ACBD4: variants seen among roughly 807,000 people sequenced by gnomAD.
The protein encoded by ACBD4 is acyl-CoA binding domain containing 4.
In ACBD4, 41 loss-of-function variants were observed where a neutral mutation model predicts 46.0. That is an observed-to-expected ratio of 0.89 (90% CI 0.69 to 1.16). The LOEUF (loss-of-function observed/expected upper bound fraction) is 1.16, where lower values mean the gene tolerates loss of function less well. ACBD4 is among the 50% of genes most tolerant of loss of function. The probability of loss-of-function intolerance (pLI) is 0.00; values close to 1 mark genes in which losing one functional copy is unlikely to be tolerated. For synonymous variants in ACBD4, 162 were observed against 155.9 expected (o/e 1.04, Z -0.29); for missense variants, 393 against 399.5 (o/e 0.98, Z 0.14).
chr17:45,141,035 A>G (rs1026343820), intron 9 of ACBD4, among the ~76,000 whole-genome samples: 6 of 152,228 alleles, frequency 3.9e-5, no homozygotes, highest in Admixed American at 6.5e-5. Context: ...ACAAAAAACC[A>G]TATCTCTCAA....
upstream of ACBD4, among the ~76,000 whole-genome samples, chr17:45,133,785 C>G (rs889042384): frequency 2.6e-5 from 4 of 152,044 alleles, no homozygotes; most frequent in Non-Finnish European, 4.4e-5. Context: ...CCCGCCTCGG[C>G]CTCCCAAAGT....
chr17:45,143,781 C>A lies in ACBD4; in HGVS notation c.*210C>A. The A allele has an allele frequency of 1.2e-6, 1 of 802,342 alleles. No individual in the cohort carries two copies. Among genetic ancestry groups the A allele is most frequent in the Admixed American group, 2.7e-5 (1 of 36,424 alleles). The allele number at this position is 802,342 out of a possible 1,614,324, so 49.7% of individuals were successfully genotyped here. On this transcript the variant is annotated 3_prime_UTR_variant, in exon 10 of 10. Transcript: ENST00000321854. The stretch of plus-strand genomic sequence containing the variant: ...CTTCCTTCCCTCCCCGCAACCACCC[C>A]AGGCTCCCCTGGGAGGCTGCAGTTG...
rs2054788656 is a variant in ACBD4 at position 45,135,848 on chromosome 17, A to T, written c.-143A>T. The T allele has an allele frequency of 2.8e-6, 1 of 356,302 alleles. No individual in the cohort carries two copies. Among genetic ancestry groups the T allele is most frequent in the Admixed American group, 4.1e-5 (1 of 24,258 alleles). 22.1% of individuals were successfully genotyped at this position (356,302 alleles called of 1,614,324 possible). On this transcript the variant is annotated 5_prime_UTR_variant, in exon 1 of 10. The change abolishes an upstream ATG in the 5' untranslated region. Transcript: ENST00000321854. ...TTCTCCACCTGTTCGGGAGTTGGAG[A>T]TGTGCACCTAAAGGAGGCGCATCTG...
intron 1 of ACBD4, 43 bp downstream of exon 1, chr17:45,135,996 G>A: frequency 1.4e-6 from 1 of 710,966 alleles, no homozygotes; most frequent in Non-Finnish European, 2.3e-6. Flanking sequence ...TGACCTCCCA[G>A]GGTGTCTGAG....
upstream of ACBD4, chr17:45,132,525 G>C (rs990761938): frequency 1.1e-5 from 5 of 441,878 alleles, no homozygotes; most frequent in Non-Finnish European, 1.7e-5. This position sits in a 1 kb window ranked among gnomAD's most constrained non-coding sequence, Gnocchi z 4.6. Context: ...GAAACTTAGC[G>C]GCGCGGGAGG....
intron 9 of ACBD4, among the ~76,000 whole-genome samples, chr17:45,139,448 G>T (rs16939884): frequency 0.05 from 7,619 of 152,232 alleles, 258 homozygotes; most frequent in Middle Eastern, 0.078. Flanking sequence ...GGGCCATGAT[G>T]TGTCTGCTCT....
intron 9 of ACBD4, among the ~76,000 whole-genome samples, chr17:45,141,232 T>A (rs2055251189): frequency 6.6e-6 from 1 of 152,202 alleles, no homozygotes; most frequent in Non-Finnish European, 1.5e-5. Context: ...TCTCTTTTAA[T>A]CTAGCCCAGT....
intron 8 of ACBD4, 76 bp from the exon 9 acceptor site, chr17:45,138,945 G>GCCCCAGCCTGC: frequency 1.3e-6 from 2 of 1,520,414 alleles, no homozygotes; most frequent in Non-Finnish European, 1.8e-6. Flanking sequence ...TCCTGGGCTT[G>GCCCCAGCCTGC]CCCCAGCCTG....
At position 45,137,801 on chromosome 17, in the gene ACBD4, G is replaced by A. The variant is rs541161009; in HGVS notation, c.544G>A (p.Asp182Asn). The change falls in exon 7 of 10, where the codon GAT becomes AAT. Residue 182 changes from aspartate (D) to asparagine (N), a missense_variant. Asp to Asn is a conservative substitution (Grantham distance 23, BLOSUM62 1). This residue lies in a region of ACBD4 where 308 missense variants were observed against 301.8 expected (regional missense o/e 1.02). Transcript: ENST00000321854. ...PRDLDSEVFC[D>N]SLEQLEPELV... The stretch of plus-strand genomic sequence containing the variant: ...GGACCTGGACTCCGAGGTTTTCTGT[G>A]ATTCCCTGGAGCAGCTGGAGCCTGA... 2.7e-5 allele frequency: 44 copies of A among 1,614,026 alleles called. No individual in the cohort carries two copies. The East Asian group carries it at 9.1e-4, about 34-fold the overall frequency.
chr17:45,132,138 T>C, upstream of ACBD4: 9 of 1,136,236 alleles, frequency 7.9e-6, no homozygotes, highest in Non-Finnish European at 1.0e-5. This position sits in a 1 kb window ranked among gnomAD's most constrained non-coding sequence, Gnocchi z 4.6. Flanking sequence ...AGCCATAGCC[T>C]CCCAGCCCCG....
In ACBD4 at chr17:45,139,100, C is replaced by T; in HGVS notation, c.729C>T (p.Ser243=). The part of the protein sequence containing the change: ...LLGTVRALQE[S]MQEVQARVQS... The stretch of plus-strand genomic sequence containing the variant: ...GGACAGTTCGAGCACTACAGGAGAG[C>T]ATGCAGGAGGTGCAGGCGAGGGTGC... Residue 243 remains serine, a synonymous_variant, in exon 9 of 10, where the codon AGC becomes AGT. Transcript: ENST00000321854. The T allele has an allele frequency of 6.2e-7, 1 of 1,613,930 alleles. No individual in the cohort carries two copies. The highest frequency in any genetic ancestry group is 1.7e-5 in the Admixed American group (1 of 60,034).
upstream of ACBD4, among the ~76,000 whole-genome samples, chr17:45,133,937 CTTG>C (rs2054627010): frequency 6.6e-6 from 1 of 152,072 alleles, no homozygotes; most frequent in Admixed American, 6.6e-5. Flanking sequence ...TTTTGTTATT[CTTG>C]TTGTTGGATA....
chr17:45,136,003 T>A, intron 1 of ACBD4, 50 bp downstream of exon 1: 1 of 756,074 alleles, frequency 1.3e-6, no homozygotes, highest in Non-Finnish European at 2.1e-6. Context: ...CCAGGGTGTC[T>A]GAGGCCTCTA....
intron 5 of ACBD4, 105 bp from the exon 6 acceptor site, chr17:45,137,263 G>A: frequency 6.3e-7 from 1 of 1,596,482 alleles, no homozygotes; most frequent in Non-Finnish European, 8.6e-7. Context: ...CCCCCGAGAG[G>A]TGGATCCCAG....
At position 45,143,897 on chromosome 17, in the gene ACBD4, G is replaced by C. The variant is rs1259111497; in HGVS notation, c.*326G>C. 5.5e-6 allele frequency: 2 copies of C among 365,210 alleles called. No homozygotes were observed. Among genetic ancestry groups the C allele is most frequent in the Non-Finnish European group, 1.0e-5 (2 of 200,340 alleles). 22.6% of individuals were successfully genotyped at this position (365,210 alleles called of 1,614,324 possible). A position where few individuals can be genotyped will look rare whatever the true frequency, so the allele number is the denominator to read the frequency against. ...GCCTTCCCCAGTCTCTGGGTCACCC[G>C]AATTTTCCCACCCCTGCTTCTCCCC... is the stretch of plus-strand genomic sequence containing the variant. On this transcript the variant is annotated 3_prime_UTR_variant, in exon 10 of 10. Transcript: ENST00000321854.
chr17:45,137,272 A>G (rs2054916731), intron 5 of ACBD4, 96 bp from the exon 6 acceptor site: 1 of 1,592,244 alleles, frequency 6.3e-7, no homozygotes, highest in South Asian at 1.1e-5. Context: ...GGTGGATCCC[A>G]GGCAGCATCC....
rs772144831 is a variant in ACBD4, at chr17:45,137,406, G to A, written c.454G>A (p.Val152Ile). ...GGTTGTGAATGGAGATGTTGGGGCTGTTTCAGAGCCTCCCTGCCTCCCCAA... is the reference window on the plus strand; with the variant it reads ...GGTTGTGAATGGAGATGTTGGGGCTATTTCAGAGCCTCCCTGCCTCCCCAA... ...EQVVNGDVGA[V>I]SEPPCLPKEP... The change falls in exon 6 of 10, where the codon GTT becomes ATT. Residue 152 changes from valine to isoleucine, a missense_variant. Transcript: ENST00000321854. 8 of 1,614,000 alleles carry A rather than the reference G, an allele frequency of 5.0e-6. No homozygotes were observed. The highest frequency in any genetic ancestry group is 6.8e-6 in the Non-Finnish European group (8 of 1,180,012).
intron 9 of ACBD4, 150 bp from the exon 10 acceptor site, chr17:45,143,293 C>T (rs2055408054): frequency 3.1e-6 from 2 of 646,728 alleles, no homozygotes; most frequent in Non-Finnish European, 5.1e-6. Context: ...GGCATTCAAC[C>T]TGTCAGGACC....
intron 9 of ACBD4, among the ~76,000 whole-genome samples, chr17:45,139,541 C>T (rs2055131394): frequency 6.6e-6 from 1 of 152,168 alleles, no homozygotes; most frequent in South Asian, 2.1e-4. Context: ...ATGGTTCAGC[C>T]CTTGCATCCC....
Sources: gnomAD v4.1 joint callset for allele counts (sites outside exome capture counted in the v4.1 genomes callset) on GRCh38, gnomAD v4.1.1 for gene constraint, gnomAD v4.1.1 regional missense constraint, Gnocchi (gnomAD v3.1) non-coding constraint, MANE v1.5 for transcripts, NCBI Gene and HGNC (gene_info 2026-07-23, HGNC 2026-07-21) for gene names.